The following DNAH8 variants were observed in gnomAD, a reference collection of about 807,000 sequenced individuals.
The protein encoded by DNAH8 is axonemal beta dynein heavy chain 8.
Under a neutral mutation model 562.1 loss-of-function variants are expected in DNAH8, and 382 were observed. The observed-to-expected ratio is 0.68, with a 90% confidence interval of 0.63 to 0.74. The LOEUF is 0.74. Among genes scored for constraint, DNAH8 ranks in the 30% least tolerant of loss-of-function variants. The probability of loss-of-function intolerance (pLI) is 0.00; values close to 1 mark genes in which losing one functional copy is unlikely to be tolerated. For synonymous variants in DNAH8, 1,881 were observed against 1,919.4 expected, an observed-to-expected ratio of 0.98 and a Z score of 0.52; for missense variants, 5,203 against 5,620.4, an observed-to-expected ratio of 0.93 and a Z score of 2.37.
At position 38,894,778 on chromosome 6, in the gene DNAH8, G is replaced by A. The variant is rs1367927566; in HGVS notation, c.8661G>A (p.Met2887Ile). Residue 2887 changes from methionine to isoleucine, a missense_variant, in exon 59 of 93, where the codon ATG becomes ATA. Around this residue, in one of 6 missense-constraint regions of DNAH8, gnomAD observed 977 missense variants for 1,061.8 expected, o/e 0.92. Transcript: ENST00000327475. Reference protein sequence around the residue: ...LRDLSRIWQGMLTIKAEECAS... With the variant: ...LRDLSRIWQGILTIKAEECAS... ...ATCTTTCCAGAATTTGGCAAGGAATGTTGACCATAAAAGCTGAGGAGTGCG... is the reference window on the plus strand; with the variant it reads ...ATCTTTCCAGAATTTGGCAAGGAATATTGACCATAAAAGCTGAGGAGTGCG... 1.2e-6 allele frequency: 2 copies of A among 1,614,032 alleles called. No individual in the cohort carries two copies. The highest frequency in any genetic ancestry group is 1.6e-4 in the Middle Eastern group (1 of 6,062).
rs200838286 is a variant in DNAH8, at chr6:38,786,777, C to T, written c.2408C>T (p.Thr803Met). The T allele has an allele frequency of 5.6e-6, 9 of 1,610,788 alleles. No homozygotes were observed. Among genetic ancestry groups the T allele is most frequent in the African/African-American group, 2.7e-5 (2 of 74,828 alleles). Residue 803 changes from threonine to methionine, a missense_variant, in exon 18 of 93, where the codon ACG becomes ATG. Physicochemically the swap from Thr to Met is moderately conservative, Grantham distance 81. Transcript: ENST00000327475. ...ISQLHYALQA[T>M]LFVRHPETGK... ...TATTTATTTGTAGCTTTACAAGCCA[C>T]GCTTTTTGTGCGACATCCAGAAACA...
intron 48 of DNAH8, 74 bp from the exon 49 acceptor site, chr6:38,870,327 T>C: frequency 7.3e-7 from 1 of 1,362,478 alleles, no homozygotes; most frequent in South Asian, 1.3e-5. Context: ...TGATAAGTAC[T>C]ATGCACATCC....
At position 39,012,351 on chromosome 6, in the gene DNAH8, C is replaced by G; in HGVS notation, c.13508C>G (p.Thr4503Arg). ...GATCTAAAATTGGCCATTGAAGGAACAATCATTATGAGTGAGGTGAGCTGT... is the reference window on the plus strand; with the variant it reads ...GATCTAAAATTGGCCATTGAAGGAAGAATCATTATGAGTGAGGTGAGCTGT... ...LSDLKLAIEGTIIMSENLRDA... is the reference protein window; with the variant it reads ...LSDLKLAIEGRIIMSENLRDA... Residue 4503 changes from threonine to arginine, a missense_variant, in exon 90 of 93, where the codon ACA becomes AGA. Thr to Arg is a moderately conservative substitution (Grantham distance 71). Coordinates refer to ENST00000327475, the MANE Select transcript of DNAH8 (RefSeq NM_001206927.2). 6.2e-7 allele frequency: 1 copy of G among 1,612,540 alleles called. No individual in the cohort carries two copies. The highest frequency in any genetic ancestry group is 1.1e-5 in the South Asian group (1 of 90,948).
chr6:38,863,960 A>C lies in DNAH8; in HGVS notation c.6398A>C (p.Tyr2133Ser). 1 of 1,613,022 alleles carries C rather than the reference A, an allele frequency of 6.2e-7. No individual in the cohort carries two copies. The highest frequency in any genetic ancestry group is 1.3e-5 in the African/African-American group (1 of 74,998). ...TTATCAGTGGCAGCACAACAAATTT[A>C]TATTGTTTTGACAGCAAGAAAAGAA... is the stretch of plus-strand genomic sequence containing the variant. Reference protein sequence around the residue: ...PVLSVAAQQIYIVLTARKERK... With the variant: ...PVLSVAAQQISIVLTARKERK... The change falls in exon 45 of 93, where the codon TAT becomes TCT. Residue 2133 changes from tyrosine (Y) to serine (S), a missense_variant. Tyr to Ser is a moderately radical substitution (Grantham distance 144). This residue lies in a region of DNAH8 where 2,176 missense variants were observed against 2,365.1 expected (regional missense o/e 0.92). Coordinates refer to ENST00000327475, the MANE Select transcript of DNAH8 (RefSeq NM_001206927.2).
chr6:38,875,225 A>G (rs757706724), intron 52 of DNAH8, among the ~76,000 whole-genome samples: 1 of 152,238 alleles, frequency 6.6e-6, no homozygotes, highest in Non-Finnish European at 1.5e-5. Flanking sequence ...AGAATCTTTG[A>G]TCTGGAAAAT....
intron 11 of DNAH8, among the ~76,000 whole-genome samples, chr6:38,765,971 T>G (rs1766945654): frequency 6.6e-6 from 1 of 152,220 alleles, no homozygotes; most frequent in Non-Finnish European, 1.5e-5. Flanking sequence ...GGGTAAATAT[T>G]TAAAGGAAAT....
At chr6:38,850,979 G>C (rs996519777) in intron 38 of DNAH8, among the ~76,000 whole-genome samples, 1 of 152,160 alleles carries the variant, frequency 6.6e-6, no homozygotes, top group Non-Finnish European at 1.5e-5. Flanking sequence ...ACCTGGACAT[G>C]TCTTTTTGAG....
At position 38,750,457 on chromosome 6, in the gene DNAH8, T is replaced by G. The variant is rs774715960; in HGVS notation, c.1294-19T>G. On this transcript the variant is annotated intron_variant, in intron 8 of 92. Coordinates refer to ENST00000327475, the MANE Select transcript of DNAH8 (RefSeq NM_001206927.2). ...TATATTTGGATGTTTCATAGAATTC[T>G]TATACCTTTTTTTCTTAGAATTGGC... 5.1e-6 allele frequency: 8 copies of G among 1,560,534 alleles called. No homozygotes were observed. The South Asian group carries it at 9.1e-5, about 18-fold the overall frequency.
At chr6:38,789,695 C>T in intron 18 of DNAH8, 108 bp from the exon 19 acceptor site, 1 of 725,040 alleles carries the variant, frequency 1.4e-6, no homozygotes, top group South Asian at 2.0e-5. Context: ...GTCATGATGA[C>T]AGGACTACGA....
At chr6:38,952,397 G>A (rs1325050078) in intron 82 of DNAH8, among the ~76,000 whole-genome samples, 1 of 152,054 alleles carries the variant, frequency 6.6e-6, no homozygotes, top group Non-Finnish European at 1.5e-5. Flanking sequence ...TTTATCCCTT[G>A]CTTCATTCAT....
At chr6:38,950,596 C>G (rs1046663251) in intron 81 of DNAH8, among the ~76,000 whole-genome samples, 1 of 151,886 alleles carries the variant, frequency 6.6e-6, no homozygotes, top group African/African-American at 2.4e-5. Context: ...CCTGCCACCA[C>G]GCCCGGCTAA....
intron 1 of DNAH8, 45 bp downstream of exon 1, chr6:38,715,460 C>G (rs1762198311): frequency 6.6e-6 from 1 of 152,472 alleles, no homozygotes; most frequent in South Asian, 2.1e-4. Context: ...GGCCCCTGTC[C>G]GGGAGGCCCT....
chr6:38,759,699 T>C (rs1766304502), intron 10 of DNAH8, among the ~76,000 whole-genome samples: 1 of 152,184 alleles, frequency 6.6e-6, no homozygotes, highest in Non-Finnish European at 1.5e-5. Flanking sequence ...CTGATGACTC[T>C]AGATATCTGA....
intron 70 of DNAH8, among the ~76,000 whole-genome samples, chr6:38,921,029 T>C (rs535713971): frequency 1.2e-3 from 185 of 152,238 alleles, no homozygotes; most frequent in African/African-American, 4.2e-3. Context: ...TAGCTTGGAC[T>C]ACAGGTGCAT....
chr6:38,907,339 G>A (rs528895273), intron 63 of DNAH8, among the ~76,000 whole-genome samples: 1 of 152,058 alleles, frequency 6.6e-6, no homozygotes, highest in Non-Finnish European at 1.5e-5. Flanking sequence ...TTTTTTTTAG[G>A]TTTGGTCACT....
At chr6:38,816,181 T>C (rs1009446724) in intron 26 of DNAH8, among the ~76,000 whole-genome samples, 1 of 152,082 alleles carries the variant, frequency 6.6e-6, no homozygotes, top group African/African-American at 2.4e-5. Context: ...ACCCATCACA[T>C]AGGTGTTAAG....
At chr6:39,026,836 A>G (rs1767322145) in intron 92 of DNAH8, among the ~76,000 whole-genome samples, 169 bp downstream of exon 92, 1 of 152,242 alleles carries the variant, frequency 6.6e-6, no homozygotes, top group Admixed American at 6.5e-5. Flanking sequence ...CCCATCTGCC[A>G]GAGTGGAAGA....
chr6:39,008,096 A>G (rs759099653), intron 88 of DNAH8, among the ~76,000 whole-genome samples: 7 of 151,842 alleles, frequency 4.6e-5, no homozygotes, highest in Non-Finnish European at 8.8e-5. Context: ...AACCTCTCTG[A>G]AAGCATCCTG....
intron 1 of DNAH8, 65 bp from the exon 2 acceptor site, chr6:38,722,711 G>T: frequency 7.7e-7 from 1 of 1,290,840 alleles, no homozygotes; most frequent in Non-Finnish European, 1.0e-6. Flanking sequence ...GCTAAAAGGG[G>T]AGTAATAAAA....
Sources: gnomAD v4.1 joint callset for allele counts (sites outside exome capture counted in the v4.1 genomes callset) on GRCh38, gnomAD v4.1.1 for gene constraint, gnomAD v4.1.1 regional missense constraint, MANE v1.5 for transcripts, NCBI Gene and HGNC (gene_info 2026-07-23, HGNC 2026-07-21) for gene names.